POLR3C: variants seen among roughly 807,000 people sequenced by gnomAD.
POLR3C encodes the protein DNA-directed RNA polymerase III subunit RPC3.
A neutral mutation model predicts 65.9 loss-of-function variants in POLR3C; 44 were observed. The ratio of observed to expected loss-of-function variants is 0.67; its 90% CI spans 0.52 to 0.86. The LOEUF is 0.86. POLR3C is among the 40% of genes least tolerant of loss of function. The probability of loss-of-function intolerance (pLI) is 0.00; values close to 1 mark genes in which losing one functional copy is unlikely to be tolerated. For synonymous variants in POLR3C, 263 were observed against 231.6 expected, an observed-to-expected ratio of 1.14 and a Z score of -1.23; for missense variants, 576 against 653.2, an observed-to-expected ratio of 0.88 and a Z score of 1.29.
At chr1:145,828,989 T>G (rs1429401990) in intron 5 of POLR3C, 152 bp downstream of exon 5, 23 of 576,930 alleles carry the variant, frequency 4.0e-5, no homozygotes, top group Non-Finnish European at 6.2e-5. Context: ...TAACAAAGAA[T>G]GAACCATTAC....
At chr1:145,830,923 G>A (rs930976017) in intron 5 of POLR3C, among the ~76,000 whole-genome samples, 12 of 151,738 alleles carry the variant, frequency 7.9e-5, no homozygotes, top group African/African-American at 2.9e-4. Flanking sequence ...GGACAACATA[G>A]TGAGACCCCA....
chr1:145,827,070 T>C (rs1553726023), intron 4 of POLR3C, 65 bp downstream of exon 4: 1 of 1,203,512 alleles, frequency 8.3e-7, no homozygotes, highest in Non-Finnish European at 1.2e-6. Context: ...GATTGTCAAG[T>C]GTATGAAATG....
At chr1:145,827,082 G>T in intron 4 of POLR3C, 77 bp downstream of exon 4, 1 of 1,147,494 alleles carries the variant, frequency 8.7e-7, no homozygotes, top group Non-Finnish European at 1.3e-6. Context: ...TATGAAATGT[G>T]ATTGTATTTA....
At chr1:145,824,520 T>G in intron 1 of POLR3C, 151 bp downstream of exon 1, 1 of 1,289,620 alleles carries the variant, frequency 7.8e-7, no homozygotes, top group South Asian at 1.2e-5. Context: ...GGAATGCTTC[T>G]CCAAAGATAT....
intron 5 of POLR3C, among the ~76,000 whole-genome samples, chr1:145,831,770 A>C (rs782052681): frequency 6.6e-6 from 1 of 152,216 alleles, no homozygotes; most frequent in Non-Finnish European, 1.5e-5. Context: ...GGCCAGGCCC[A>C]GTGGCTCACA....
chr1:145,837,039 TAA>T (rs1303874383), intron 9 of POLR3C, among the ~76,000 whole-genome samples, 173 bp downstream of exon 9: 1 of 152,156 alleles, frequency 6.6e-6, no homozygotes, highest in Non-Finnish European at 1.5e-5. Flanking sequence ...GATGATGAAG[TAA>T]AAAGAGGCCA....
At chr1:145,828,704 C>T (rs1651001644) in intron 4 of POLR3C, 45 bp from the exon 5 acceptor site, 1 of 1,280,128 alleles carries the variant, frequency 7.8e-7, no homozygotes, top group African/African-American at 1.5e-5. Context: ...CATTTCCTGT[C>T]ATCATATGAG....
intron 13 of POLR3C, among the ~76,000 whole-genome samples, chr1:145,840,654 T>G (rs903780556): frequency 1.3e-5 from 2 of 152,210 alleles, no homozygotes; most frequent in African/African-American, 4.8e-5. Context: ...TACACTTTTC[T>G]AACATGCTCC....
intron 6 of POLR3C, 53 bp from the exon 7 acceptor site, chr1:145,833,437 T>C: frequency 2.6e-6 from 4 of 1,531,392 alleles, no homozygotes; most frequent in Non-Finnish European, 3.6e-6. Context: ...CATTGGCACA[T>C]AGAGCCAGGG....
At chr1:145,827,124 T>G in intron 4 of POLR3C, 119 bp downstream of exon 4, 1 of 822,224 alleles carries the variant, frequency 1.2e-6, no homozygotes, top group Non-Finnish European at 2.0e-6. Flanking sequence ...GACATCGTGG[T>G]GTATAACAAT....
At chr1:145,827,758 CA>C (rs1163679762) in intron 4 of POLR3C, among the ~76,000 whole-genome samples, 1,520 of 58,548 alleles carry the variant, frequency 0.026, 16 homozygotes, top group African/African-American at 0.1. Flanking sequence ...GACTCCGTCT[CA>C]AAAAAAAAAA....
chr1:145,826,312 C>T lies in POLR3C; in HGVS notation c.148-142C>T, dbSNP rs1050547364. The stretch of plus-strand genomic sequence containing the variant: ...ATTGATGTGTGATTCTTATTAGCTC[C>T]TCCAGTGGAGAGAGGAAATAAGTGC... On this transcript the variant is annotated intron_variant, in intron 2 of 14. Coordinates refer to ENST00000334163, the MANE Select transcript of POLR3C (RefSeq NM_006468.8). 5 of 652,776 alleles carry T rather than the reference C, an allele frequency of 7.7e-6. No homozygotes were observed. The Admixed American group carries it at 1.1e-4, about 14-fold the overall frequency. 40.4% of individuals were successfully genotyped at this position (652,776 alleles called of 1,614,324 possible).
chr1:145,831,590 G>A (rs587700272), intron 5 of POLR3C, among the ~76,000 whole-genome samples: 19 of 151,888 alleles, frequency 1.3e-4, no homozygotes, highest in South Asian at 2.1e-4. Flanking sequence ...GAAGCCTGGA[G>A]AGCAGATAAA....
chr1:145,842,642 C>G lies in POLR3C; in HGVS notation c.*222C>G. 1 of 588,216 alleles carries G rather than the reference C, an allele frequency of 1.7e-6. No homozygotes were observed. The highest frequency in any genetic ancestry group is 3.0e-6 in the Non-Finnish European group (1 of 330,774). The allele number at this position is 588,216 out of a possible 1,614,324, so 36.4% of individuals were successfully genotyped here. ...CTTGGCAGTGGGAAGAACCTTAAAT[C>G]AACAAGGTTAATCATCTATCAGATG... is the stretch of plus-strand genomic sequence containing the variant. On this transcript the variant is annotated 3_prime_UTR_variant, in exon 15 of 15. Coordinates refer to ENST00000334163, the MANE Select transcript of POLR3C (RefSeq NM_006468.8).
At chr1:145,827,611 T>C (rs782024826) in intron 4 of POLR3C, among the ~76,000 whole-genome samples, 1 of 151,788 alleles carries the variant, frequency 6.6e-6, no homozygotes, top group Admixed American at 6.6e-5. Flanking sequence ...TACAAAAAAT[T>C]AGCTGGGTGT....
chr1:145,825,786 G>T lies in POLR3C; in HGVS notation c.10G>T (p.Ala4Ser). MTQ[A>S]EIKLCSLLLQ... ...CAGACTCCCCAGTACAATGACTCAA[G>T]CAGAAATTAAGCTCTGTTCTTTGTT... The change falls in exon 2 of 15, where the codon GCA becomes TCA. Residue 4 changes from alanine (A) to serine (S), a missense_variant. By Grantham distance (99) the Ala-to-Ser change is moderately conservative. Coordinates refer to ENST00000334163, the MANE Select transcript of POLR3C (RefSeq NM_006468.8). The T allele has an allele frequency of 1.2e-6, 2 of 1,613,476 alleles. No individual in the cohort carries two copies. The highest frequency in any genetic ancestry group is 1.7e-6 in the Non-Finnish European group (2 of 1,179,456).
At chr1:145,833,439 G>C (rs782015848) in intron 6 of POLR3C, 51 bp from the exon 7 acceptor site, 2 of 1,544,606 alleles carry the variant, frequency 1.3e-6, no homozygotes, top group South Asian at 2.2e-5. Flanking sequence ...TTGGCACATA[G>C]AGCCAGGGGC....
chr1:145,835,525 A>T (rs1651741362), intron 7 of POLR3C, among the ~76,000 whole-genome samples: 3 of 151,362 alleles, frequency 2.0e-5, no homozygotes. Flanking sequence ...TGTATTTTTT[A>T]ACCCCAAAAT....
intron 14 of POLR3C, 40 bp from the exon 15 acceptor site, chr1:145,842,299 G>A: frequency 8.0e-7 from 1 of 1,244,146 alleles, no homozygotes; most frequent in Non-Finnish European, 1.2e-6. Flanking sequence ...ATATGCTAAT[G>A]AACATTCAGT....
Sources: allele counts gnomAD v4.1 joint callset (sites outside exome capture counted in the v4.1 genomes callset), GRCh38; gene constraint gnomAD v4.1.1; transcripts MANE v1.5; gene names NCBI Gene and HGNC (gene_info 2026-07-23, HGNC 2026-07-21).